The following CCDC178 variants were observed in gnomAD, a reference collection of about 807,000 sequenced individuals.
The protein encoded by CCDC178 is coiled-coil domain containing 178.
CCDC178 carries 126 observed loss-of-function variants against 117.4 expected under a neutral mutation model. The observed-to-expected ratio is 1.07, with a 90% CI of 0.93 to 1.24. The LOEUF is 1.24. Among genes scored for constraint, CCDC178 ranks in the 50% most tolerant of loss-of-function variants. The pLI is 0.00. For synonymous variants in CCDC178, 283 were observed against 313.4 expected (o/e 0.90, Z 1.02); for missense variants, 1,030 against 986.9 (o/e 1.04, Z -0.59).
chr18:33,429,461 A>G (rs903105888), intron 2 of CCDC178, among the ~76,000 whole-genome samples: 1 of 152,178 alleles, frequency 6.6e-6, no homozygotes, highest in Non-Finnish European at 1.5e-5. Flanking sequence ...AGAAGTTATA[A>G]TAAAATAGAA....
At chr18:32,958,147 A>G in intron 22 of CCDC178, 1 of 517,064 alleles carries the variant, frequency 1.9e-6, no homozygotes, top group South Asian at 2.3e-5. Flanking sequence ...AAACACAGAC[A>G]TTACGTTTGA....
chr18:33,077,233 C>T (rs2057225220), intron 21 of CCDC178, among the ~76,000 whole-genome samples: 2 of 151,942 alleles, frequency 1.3e-5, no homozygotes, highest in Non-Finnish European at 2.9e-5. Context: ...AGAATAAGTC[C>T]CAGGGGACTC....
At chr18:33,062,583 C>T (rs1273894735) in intron 21 of CCDC178, among the ~76,000 whole-genome samples, 1 of 152,144 alleles carries the variant, frequency 6.6e-6, no homozygotes, top group Non-Finnish European at 1.5e-5. Flanking sequence ...AGCAAGAGAG[C>T]CCCAGCAGTC....
intron 21 of CCDC178, among the ~76,000 whole-genome samples, chr18:33,072,846 A>T (rs1218883377): frequency 6.6e-6 from 1 of 152,106 alleles, no homozygotes; most frequent in East Asian, 1.9e-4. Context: ...GCCTCAAGTG[A>T]TCTACCCATC....
intron 20 of CCDC178, among the ~76,000 whole-genome samples, chr18:33,138,982 T>G (rs1245918634): frequency 1.3e-5 from 2 of 152,244 alleles, no homozygotes; most frequent in Non-Finnish European, 2.9e-5. Context: ...TCGTGAATTG[T>G]AACTCCCACA....
intron 11 of CCDC178, among the ~76,000 whole-genome samples, chr18:33,312,129 AC>A (rs1021812151): frequency 6.6e-6 from 1 of 152,158 alleles, no homozygotes; most frequent in African/African-American, 2.4e-5. Flanking sequence ...GTAACAGAAA[AC>A]ATGCACCCAG....
intron 21 of CCDC178, among the ~76,000 whole-genome samples, chr18:33,014,128 C>T (rs1221079652): frequency 2.0e-5 from 3 of 152,190 alleles, no homozygotes; most frequent in African/African-American, 7.2e-5. Flanking sequence ...CCTCGTAAAC[C>T]TGGAAAACCA....
At chr18:33,058,493 C>G (rs566977841) in intron 21 of CCDC178, among the ~76,000 whole-genome samples, 5 of 152,086 alleles carry the variant, frequency 3.3e-5, no homozygotes, top group Admixed American at 2.0e-4. Flanking sequence ...ATGCTAGAGA[C>G]AGAAATAGTA....
chr18:33,145,521 C>T (rs2058257458), intron 20 of CCDC178, among the ~76,000 whole-genome samples: 1 of 151,998 alleles, frequency 6.6e-6, no homozygotes, highest in Non-Finnish European at 1.5e-5. Context: ...CAATATTGAC[C>T]CAGAATTTTG....
At chr18:33,133,787 T>C (rs868580339) in intron 20 of CCDC178, among the ~76,000 whole-genome samples, 2 of 151,960 alleles carry the variant, frequency 1.3e-5, no homozygotes, top group South Asian at 4.1e-4. Flanking sequence ...AAGGCTGTAT[T>C]CTTAGTTGTC....
At chr18:32,962,453 T>C (rs1253721414) in intron 22 of CCDC178, among the ~76,000 whole-genome samples, 1 of 152,128 alleles carries the variant, frequency 6.6e-6, no homozygotes, top group Admixed American at 6.6e-5. Flanking sequence ...TGGTCAGCAA[T>C]TCTCTCCACT....
chr18:33,433,958 CTT>C (rs1237098999), intron 2 of CCDC178, among the ~76,000 whole-genome samples: 6 of 152,168 alleles, frequency 3.9e-5, no homozygotes, highest in African/African-American at 1.2e-4. Context: ...TGTTTGGACT[CTT>C]TTAAATCACT....
At chr18:33,127,525 G>A (rs78488926) in intron 20 of CCDC178, among the ~76,000 whole-genome samples, 4,078 of 151,978 alleles carry the variant, frequency 0.027, 102 homozygotes, top group East Asian at 0.12. Flanking sequence ...AACCTCTGCC[G>A]CCCTGGTTCA....
intron 21 of CCDC178, among the ~76,000 whole-genome samples, chr18:32,986,096 C>A (rs968140488): frequency 2.6e-5 from 4 of 151,934 alleles, no homozygotes; most frequent in South Asian, 2.1e-4. Flanking sequence ...TGAGAATAGG[C>A]AAAATGTAAT....
chr18:33,386,268 A>G (rs926485519), intron 5 of CCDC178, among the ~76,000 whole-genome samples: 1 of 152,210 alleles, frequency 6.6e-6, no homozygotes, highest in African/African-American at 2.4e-5. Context: ...GCTGAATTCT[A>G]CCAGAGGTAA....
intron 12 of CCDC178, among the ~76,000 whole-genome samples, chr18:33,279,902 T>G (rs566990132): frequency 7.9e-4 from 120 of 152,192 alleles, no homozygotes; most frequent in Middle Eastern, 3.4e-3. Context: ...TAGCCATATG[T>G]AGAAAGCTGA....
chr18:33,059,751 C>G (rs2056891937), intron 21 of CCDC178, among the ~76,000 whole-genome samples: 1 of 152,154 alleles, frequency 6.6e-6, no homozygotes, highest in African/African-American at 2.4e-5. Context: ...TTTCTGCCTC[C>G]AGTCCAAATC....
At chr18:33,355,820 T>C (rs1268821479) in intron 7 of CCDC178, among the ~76,000 whole-genome samples, 2 of 152,172 alleles carry the variant, frequency 1.3e-5, no homozygotes, top group African/African-American at 4.8e-5. Flanking sequence ...CTAGTCTTTC[T>C]GGGAGCTATC....
At chr18:33,059,596 T>A (rs1388974183) in intron 21 of CCDC178, among the ~76,000 whole-genome samples, 1 of 152,162 alleles carries the variant, frequency 6.6e-6, no homozygotes, top group Non-Finnish European at 1.5e-5. Context: ...ACTTCTCACC[T>A]CCAAATCACG....
Sources: allele counts gnomAD v4.1 joint callset (sites outside exome capture counted in the v4.1 genomes callset), GRCh38; gene constraint gnomAD v4.1.1; transcripts MANE v1.5; gene names NCBI Gene and HGNC (gene_info 2026-07-23, HGNC 2026-07-21).